Variants in MEGF11 observed in about 807,000 individuals in gnomAD.
The protein encoded by MEGF11 is multiple epidermal growth factor-like domains protein 11.
A neutral mutation model predicts 146.6 loss-of-function variants in MEGF11; 126 were observed. The ratio of observed to expected loss-of-function variants is 0.86; its 90% CI spans 0.74 to 1.00. The LOEUF is 1.00. MEGF11 is among the 50% of genes least tolerant of loss of function. The probability of loss-of-function intolerance (pLI) is 0.00; values close to 1 mark genes in which losing one functional copy is unlikely to be tolerated. For synonymous variants in MEGF11, 532 were observed against 583.4 expected (o/e 0.91, Z 1.27); for missense variants, 1,509 against 1,521.2 (o/e 0.99, Z 0.13).
At chr15:66,149,311 T>C (rs2089480177) in intron 1 of MEGF11, among the ~76,000 whole-genome samples, 1 of 152,258 alleles carries the variant, frequency 6.6e-6, no homozygotes, top group African/African-American at 2.4e-5. Flanking sequence ...GCTTGGTTTC[T>C]GATTCTGCCT....
At chr15:66,082,504 T>TAA (rs1491127276) in intron 5 of MEGF11, among the ~76,000 whole-genome samples, 4 of 127,724 alleles carry the variant, frequency 3.1e-5, no homozygotes, top group South Asian at 2.8e-4. Context: ...TATCTATCTA[T>TAA]CTATCTATCT....
chr15:66,189,836 G>A (rs1412338899), intron 1 of MEGF11, among the ~76,000 whole-genome samples: 2 of 61,480 alleles, frequency 3.3e-5, no homozygotes, highest in Non-Finnish European at 5.9e-5. Flanking sequence ...GAAAGATGAG[G>A]GGCATTAAAT....
intron 7 of MEGF11, 85 bp downstream of exon 7, chr15:65,980,693 C>G (rs1006886709): frequency 2.1e-6 from 3 of 1,445,592 alleles, no homozygotes; most frequent in Non-Finnish European, 2.7e-6. Context: ...GTACCATGCC[C>G]GGCTAGTTTA....
intron 5 of MEGF11, among the ~76,000 whole-genome samples, chr15:66,020,592 C>T (rs1178557152): frequency 6.6e-6 from 1 of 152,298 alleles, no homozygotes; most frequent in African/African-American, 2.4e-5. Context: ...AAGCTTTCTT[C>T]CTTCCCAGGG....
chr15:65,961,161 A>C (rs891272100), intron 9 of MEGF11, among the ~76,000 whole-genome samples: 1 of 152,176 alleles, frequency 6.6e-6, no homozygotes, highest in Admixed American at 6.5e-5. Flanking sequence ...CCCCTCTCCC[A>C]GGCATCCCTT....
intron 5 of MEGF11, among the ~76,000 whole-genome samples, chr15:66,021,731 C>CT (rs1394267139): frequency 6.6e-6 from 1 of 152,192 alleles, no homozygotes; most frequent in Non-Finnish European, 1.5e-5. Flanking sequence ...AAGTGTGGAA[C>CT]TAAGACCCAG....
At chr15:65,974,034 A>G (rs2081375434) in intron 7 of MEGF11, among the ~76,000 whole-genome samples, 1 of 152,166 alleles carries the variant, frequency 6.6e-6, no homozygotes, top group African/African-American at 2.4e-5. Flanking sequence ...CGCATACCCG[A>G]CAGTCATTTC....
intron 5 of MEGF11, among the ~76,000 whole-genome samples, chr15:66,072,960 T>G (rs574889422): frequency 6.6e-6 from 1 of 152,312 alleles, no homozygotes; most frequent in African/African-American, 2.4e-5. Flanking sequence ...TAATAAGAAA[T>G]CGGCCAGGGC....
intron 10 of MEGF11, among the ~76,000 whole-genome samples, chr15:65,954,915 G>A (rs1173985222): frequency 6.6e-6 from 1 of 152,202 alleles, no homozygotes; most frequent in Non-Finnish European, 1.5e-5. Context: ...CAATGTATAT[G>A]ACCAGACCGT....
intron 24 of MEGF11, among the ~76,000 whole-genome samples, chr15:65,904,291 C>T (rs1363309264): frequency 6.6e-6 from 1 of 152,202 alleles, no homozygotes; most frequent in African/African-American, 2.4e-5. Flanking sequence ...GGTGCCAGGT[C>T]ATAGTCACGA....
chr15:66,017,235 G>A (rs990620534), intron 5 of MEGF11, among the ~76,000 whole-genome samples: 1 of 152,232 alleles, frequency 6.6e-6, no homozygotes, highest in African/African-American at 2.4e-5. Flanking sequence ...GAGATGGTCA[G>A]GATGACAGGC....
At chr15:66,237,829 T>C (rs2092128242) in intron 1 of MEGF11, among the ~76,000 whole-genome samples, 1 of 152,212 alleles carries the variant, frequency 6.6e-6, no homozygotes. Flanking sequence ...CAATCTTTTA[T>C]CTAGGTGGGA....
chr15:66,015,861 A>G (rs1206234676), intron 5 of MEGF11, among the ~76,000 whole-genome samples: 1 of 137,166 alleles, frequency 7.3e-6, no homozygotes, highest in East Asian at 2.2e-4. Context: ...ATCTCTGCTC[A>G]TCCACTGATG....
intron 1 of MEGF11, among the ~76,000 whole-genome samples, chr15:66,220,935 C>T (rs1264576589): frequency 3.9e-5 from 6 of 151,988 alleles, no homozygotes; most frequent in African/African-American, 1.2e-4. Context: ...TACACTTCCC[C>T]CAAAAAGTGA....
chr15:66,214,922 G>A lies in MEGF11; in HGVS notation c.-9+38683C>T, dbSNP rs371997457. Among the ~76,000 whole-genome samples the A allele has an allele frequency of 2.6e-5, 4 of 152,234 alleles. No homozygotes were observed. In the East Asian group the frequency reaches 5.8e-4, roughly 22 times the overall value. ...GGGAAGAATAGGGGAGGGGAGGGGT[G>A]CAGAGAAGGAAAAAGAAAAGGATTG... On this transcript the variant is annotated intron_variant, in intron 1 of 25. Coordinates refer to ENST00000395614, the MANE Select transcript of MEGF11 (RefSeq NM_001385028.1).
At chr15:66,037,731 T>C (rs1233711323) in intron 5 of MEGF11, among the ~76,000 whole-genome samples, 3 of 152,252 alleles carry the variant, frequency 2.0e-5, no homozygotes, top group Non-Finnish European at 4.4e-5. Context: ...ATTTCCCTTA[T>C]TAGACTAGAT....
chr15:66,160,707 C>CACACACACACACA (rs1555477714), intron 1 of MEGF11, among the ~76,000 whole-genome samples: 10 of 88,232 alleles, frequency 1.1e-4, no homozygotes, highest in African/African-American at 3.8e-4. Context: ...ACACACACAC[C>CACACACACACACA]CTTGCCCTAG....
chr15:66,101,876 C>T (rs1003040452), intron 4 of MEGF11, among the ~76,000 whole-genome samples: 4 of 152,174 alleles, frequency 2.6e-5, no homozygotes, highest in Admixed American at 2.6e-4. Context: ...CTCTGGCCTC[C>T]CCAGTCTGAA....
At chr15:66,093,958 T>C (rs1387548942) in intron 5 of MEGF11, among the ~76,000 whole-genome samples, 1 of 152,160 alleles carries the variant, frequency 6.6e-6, no homozygotes, top group Admixed American at 6.5e-5. Flanking sequence ...ACATCCCAAA[T>C]GTCCACCAGT....
Sources: gnomAD v4.1 joint callset for allele counts (sites outside exome capture counted in the v4.1 genomes callset) on GRCh38, gnomAD v4.1.1 for gene constraint, MANE v1.5 for transcripts, NCBI Gene and HGNC (gene_info 2026-07-23, HGNC 2026-07-21) for gene names.